The following MRE11 variants were observed in gnomAD, a reference collection of about 807,000 sequenced individuals.
MRE11 encodes MRE11 double strand break repair nuclease.
MRE11 carries 62 observed loss-of-function variants against 91.7 expected under a neutral mutation model. The ratio of observed to expected loss-of-function variants is 0.68; its 90% CI spans 0.55 to 0.84. The LOEUF (loss-of-function observed/expected upper bound fraction) is 0.84, where lower values mean the gene tolerates loss of function less well. MRE11 is among the 40% of genes least tolerant of loss of function. MRE11 has a pLI of 0.00. For missense variants in MRE11, 796 were observed against 852.9 expected, an observed-to-expected ratio of 0.93 and a Z score of 0.83; for synonymous variants, 273 against 271.4, an observed-to-expected ratio of 1.01 and a Z score of -0.06.
Position 94,419,462 on chromosome 11 carries a change from G to A in MRE11, c.*663C>T, listed in dbSNP as rs1565195413. The stretch of plus-strand genomic sequence containing the variant: ...AAGGAAGAGTGGGGAACGGGGGGGA[G>A]AGGGAGAGAGAGAGAGAGAGAGAGA... On this transcript the variant is annotated 3_prime_UTR_variant, in exon 20 of 20. Coordinates refer to ENST00000323929, the MANE Select transcript of MRE11 (RefSeq NM_005591.4). The A allele has an allele frequency of 4.6e-6, 1 of 219,156 alleles. No homozygotes were observed. The highest frequency in any genetic ancestry group is 2.4e-5 in the African/African-American group (1 of 41,408). The allele number at this position is 219,156 out of a possible 1,614,324, so 13.6% of individuals were successfully genotyped here.
intron 19 of MRE11, among the ~76,000 whole-genome samples, chr11:94,424,605 A>G (rs530004464): frequency 6.6e-6 from 1 of 152,384 alleles, no homozygotes; most frequent in African/African-American, 2.4e-5. Context: ...CAATGAATCC[A>G]GTAAAACAAT....
At chr11:94,497,996 C>T (rs551113931), upstream of MRE11, 27 of 1,143,758 alleles carry the variant, frequency 2.4e-5, no homozygotes, top group African/African-American at 2.9e-4. Context: ...TTAAATCTAA[C>T]ACCACAAGAC....
intron 16 of MRE11, among the ~76,000 whole-genome samples, chr11:94,440,175 G>A (rs911509242): frequency 2.6e-5 from 4 of 152,110 alleles, no homozygotes; most frequent in Non-Finnish European, 4.4e-5. Flanking sequence ...GAAATCTGAC[G>A]TTTCGTATTT....
Position 94,488,079 on chromosome 11 carries a change from C to T in MRE11, c.154-1995G>A, listed in dbSNP as rs905367180. On this transcript the variant is annotated intron_variant, in intron 3 of 19. Coordinates refer to ENST00000323929, the MANE Select transcript of MRE11 (RefSeq NM_005591.4). ...GGGTGGAACAGTTACAATTAAGGGA[C>T]GCAGGGAAGAGAAACAGTAGAAGCA... Among the ~76,000 whole-genome samples, 29 of 152,060 alleles carry T rather than the reference C, an allele frequency of 1.9e-4. No homozygotes were observed. The Middle Eastern group carries it at 0.017, about 89-fold the overall frequency.
chr11:94,481,074 C>T lies in MRE11; in HGVS notation c.315-1313G>A, dbSNP rs181971825. Reference sequence around the variant, plus strand: ...CTGTAATCCCAGCACTTTGGGAGGCCGAGGTGGGCAGATCACCTGAGGTCA... The same window carrying T: ...CTGTAATCCCAGCACTTTGGGAGGCTGAGGTGGGCAGATCACCTGAGGTCA... On this transcript the variant is annotated intron_variant, in intron 4 of 19. Transcript: ENST00000323929. Among the ~76,000 whole-genome samples, 601 of 152,130 alleles carry T rather than the reference C, an allele frequency of 4.0e-3. 12 individuals carry two copies. The highest frequency in any genetic ancestry group is 3.7e-4 in the Non-Finnish European group (25 of 67,988).
chr11:94,484,089 A>C lies in MRE11; in HGVS notation c.314+1835T>G, dbSNP rs1032440390. The stretch of plus-strand genomic sequence containing the variant: ...AAGAAAGACAAAGTAAAAAATCAGA[A>C]GAAAAGGTGGGATATATCAAAAGGA... On this transcript the variant is annotated intron_variant, in intron 4 of 19. Transcript: ENST00000323929. Among the ~76,000 whole-genome samples, 3 of 152,180 alleles carry C rather than the reference A, an allele frequency of 2.0e-5. No homozygotes were observed. The South Asian group carries it at 6.2e-4, about 32-fold the overall frequency.
chr11:94,453,469 T>C (rs1275117265), intron 14 of MRE11, among the ~76,000 whole-genome samples: 1 of 152,234 alleles, frequency 6.6e-6, no homozygotes, highest in Non-Finnish European at 1.5e-5. Flanking sequence ...TCCACATTCT[T>C]GCCGAAACTT....
chr11:94,473,470 C>T (rs1946769099), intron 7 of MRE11: 1 of 151,844 alleles, frequency 6.6e-6, no homozygotes, highest in Non-Finnish European at 1.5e-5. Context: ...TTCTTTGAAA[C>T]AAGAGAAAAA....
At chr11:94,471,793 G>T in intron 7 of MRE11, 34 bp from the exon 8 acceptor site, 1 of 1,540,100 alleles carries the variant, frequency 6.5e-7, no homozygotes, top group South Asian at 1.1e-5. Flanking sequence ...TAAATTCGGT[G>T]ATTAGAAAAA....
chr11:94,418,978 A>C lies in MRE11; in HGVS notation c.*1147T>G, dbSNP rs2134727004. 1 of 231,392 alleles carries C rather than the reference A, an allele frequency of 4.3e-6. No individual in the cohort carries two copies. The highest frequency in any genetic ancestry group is 8.6e-6 in the Non-Finnish European group (1 of 116,948). 14.3% of individuals were successfully genotyped at this position (231,392 alleles called of 1,614,324 possible). A position where few individuals can be genotyped will look rare whatever the true frequency, so the allele number is the denominator to read the frequency against. ...CAAGTATTTGTTTCTACCTATGAAG[A>C]AATGTCGGGCCATTGTACTCCCAAG... On this transcript the variant is annotated 3_prime_UTR_variant, in exon 20 of 20. Coordinates refer to ENST00000323929, the MANE Select transcript of MRE11 (RefSeq NM_005591.4).
intron 2 of MRE11, among the ~76,000 whole-genome samples, chr11:94,491,369 A>G (rs1013004419): frequency 6.6e-6 from 1 of 152,196 alleles, no homozygotes; most frequent in Non-Finnish European, 1.5e-5. Context: ...TAAGTTTATG[A>G]GTCAATTTTA....
chr11:94,468,041 C>T (rs904492932), intron 9 of MRE11, 148 bp from the exon 10 acceptor site: 9 of 672,534 alleles, frequency 1.3e-5, no homozygotes, highest in Non-Finnish European at 2.4e-5. Context: ...AATATACCTT[C>T]TTGTAATGCT....
In MRE11 at chr11:94,490,257, A is replaced by G. The variant is rs1947252380; in HGVS notation, c.153+576T>C. 2.0e-5 allele frequency among the ~76,000 whole-genome samples: 3 copies of G among 151,984 alleles called. No homozygotes were observed. The South Asian group carries it at 6.2e-4, about 32-fold the overall frequency. ...AAATTGACTACAGGGCCCCTAACAT[A>G]CCTTATACTGTCTCACGGGTTTCCT... On this transcript the variant is annotated intron_variant, in intron 3 of 19. Coordinates refer to ENST00000323929, the MANE Select transcript of MRE11 (RefSeq NM_005591.4).
chr11:94,485,970 G>C lies in MRE11; in HGVS notation c.268C>G (p.Gln90Glu), dbSNP rs1565238874. Residue 90 changes from glutamine (Q) to glutamate (E), a missense_variant, in exon 4 of 20, where the codon CAG (glutamine) becomes GAG (glutamate). Transcript: ENST00000323929. ...GACTGATCACTGAGAATTTCAAACT[G>C]GACAGGCCGATCACCCATACAATAT... ...RKYCMGDRPV[Q>E]FEILSDQSVN... 10 of 1,613,362 alleles carry C rather than the reference G, an allele frequency of 6.2e-6. No individual in the cohort carries two copies. Among genetic ancestry groups the C allele is most frequent in the Non-Finnish European group, 6.8e-6 (8 of 1,179,930 alleles).
At chr11:94,422,188 C>G (rs1289746794) in intron 19 of MRE11, among the ~76,000 whole-genome samples, 1 of 152,178 alleles carries the variant, frequency 6.6e-6, no homozygotes, top group African/African-American at 2.4e-5. Flanking sequence ...CAGTATCCTT[C>G]AGTCATGTAG....
At chr11:94,492,656 A>C in intron 2 of MRE11, 126 bp downstream of exon 2, 3 of 1,409,088 alleles carry the variant, frequency 2.1e-6, no homozygotes, top group Non-Finnish European at 3.0e-6. Flanking sequence ...TTTGATGACT[A>C]ATATTTCTGT....
the MRE11 span, among the ~76,000 whole-genome samples, chr11:94,502,475 G>A: frequency 1.3e-5 from 2 of 152,106 alleles, no homozygotes; most frequent in South Asian, 4.1e-4. Context: ...TTATTTTTAT[G>A]TAGTTTATTT....
At chr11:94,497,262 G>A, upstream of MRE11, 1 of 494,300 alleles carries the variant, frequency 2.0e-6, no homozygotes, top group Non-Finnish European at 3.5e-6. Context: ...ACTATACCAG[G>A]TACCTTATTA....
chr11:94,437,063 T>C, intron 17 of MRE11, 114 bp downstream of exon 17: 4 of 937,082 alleles, frequency 4.3e-6, no homozygotes, highest in Non-Finnish European at 6.4e-6. Context: ...TCCTTCCAGC[T>C]TTAATGTTCC....
Sources: allele counts gnomAD v4.1 joint callset (sites outside exome capture counted in the v4.1 genomes callset), GRCh38; gene constraint gnomAD v4.1.1; transcripts MANE v1.5; gene names NCBI Gene and HGNC (gene_info 2026-07-23, HGNC 2026-07-21).